The following TRPC7 variants were observed in gnomAD, a reference collection of about 807,000 sequenced individuals.
The protein encoded by TRPC7 is transient receptor potential cation channel subfamily C member 7.
A neutral mutation model predicts 90.1 loss-of-function variants in TRPC7; 42 were observed. The ratio of observed to expected loss-of-function variants is 0.47; its 90% CI spans 0.36 to 0.60. The LOEUF is 0.60. Ranked by LOEUF, TRPC7 falls within the 20% of genes least tolerant of loss-of-function variation. The pLI, the probability that TRPC7 is intolerant of heterozygous loss-of-function variation, is 0.00. For synonymous variants in TRPC7, 451 were observed against 436.3 expected, an observed-to-expected ratio of 1.03 and a Z score of -0.42; for missense variants, 955 against 1,112.3, an observed-to-expected ratio of 0.86 and a Z score of 2.01.
chr5:136,315,646 C>T lies in TRPC7; in HGVS notation c.914G>A (p.Arg305His), dbSNP rs1257083987. The T allele has an allele frequency of 6.8e-6, 11 of 1,613,746 alleles. No individual in the cohort carries two copies. The highest frequency in any genetic ancestry group is 4.5e-5 in the East Asian group (2 of 44,884). Reference protein sequence around the residue: ...VNFQVWSDHHRPSLSRIKLAI... With the variant: ...VNFQVWSDHHHPSLSRIKLAI... ...GAGTTTGATCCGGCTCAGACTTGGA[C>T]GGTGGTGGTCGGACCAGACTTGGAA... Residue 305 changes from arginine to histidine, a missense_variant, in exon 3 of 12, where the codon CGT becomes CAT. Arg to His is a conservative substitution (Grantham distance 29). Around this residue, in one of 4 missense-constraint regions of TRPC7, gnomAD observed 484 missense variants for 509.6 expected, o/e 0.95. Transcript: ENST00000513104.
chr5:136,257,694 A>G (rs1057345300), intron 5 of TRPC7, among the ~76,000 whole-genome samples: 1 of 151,398 alleles, frequency 6.6e-6, no homozygotes, highest in Admixed American at 6.6e-5. Context: ...AGTATACCGT[A>G]TCAAAATTTT....
At chr5:136,349,888 T>C (rs1760136517) in intron 2 of TRPC7, among the ~76,000 whole-genome samples, 1 of 152,238 alleles carries the variant, frequency 6.6e-6, no homozygotes, top group African/African-American at 2.4e-5. Flanking sequence ...AGCTGCCCTA[T>C]ACAGGTATAT....
chr5:136,299,118 G>C (rs751535489), intron 3 of TRPC7, among the ~76,000 whole-genome samples: 1 of 151,864 alleles, frequency 6.6e-6, no homozygotes. Context: ...CCTCACCAAC[G>C]TGGAGAAACC....
chr5:136,225,264 G>C lies in TRPC7; in HGVS notation c.2343+10C>G. 6.2e-7 allele frequency: 1 copy of C among 1,612,008 alleles called. No individual in the cohort carries two copies. Among genetic ancestry groups the C allele is most frequent in the African/African-American group, 1.3e-5 (1 of 74,952 alleles). ...GCCCATGCTTGGATGCTTGGGAAAG[G>C]GGTGGTTACCTGGTATCTGGTGGGC... On this transcript the variant is annotated intron_variant, in intron 10 of 11. Coordinates refer to ENST00000513104, the MANE Select transcript of TRPC7 (RefSeq NM_020389.3).
At chr5:136,224,452 G>T (rs1755562382) in intron 10 of TRPC7, among the ~76,000 whole-genome samples, 1 of 152,174 alleles carries the variant, frequency 6.6e-6, no homozygotes. Context: ...CTACTTGACT[G>T]CTTAAGACAG....
chr5:136,352,400 C>T (rs1194239423), intron 2 of TRPC7, among the ~76,000 whole-genome samples: 2 of 151,878 alleles, frequency 1.3e-5, no homozygotes, highest in Non-Finnish European at 2.9e-5. Context: ...GACAAAATGC[C>T]CAGGAATTTG....
At chr5:136,262,427 A>G (rs1490149907) in intron 5 of TRPC7, among the ~76,000 whole-genome samples, 1 of 152,158 alleles carries the variant, frequency 6.6e-6, no homozygotes, top group African/African-American at 2.4e-5. Context: ...ATCAGAGTAG[A>G]GGGATGAGAG....
At chr5:136,225,941 T>G (rs543301333) in intron 9 of TRPC7, 93 bp downstream of exon 9, 4 of 1,053,384 alleles carry the variant, frequency 3.8e-6, no homozygotes, top group East Asian at 2.6e-5. Flanking sequence ...TTGCATGGGG[T>G]GGGGGAGGGC....
At chr5:136,330,501 A>G (rs1411768545) in intron 2 of TRPC7, among the ~76,000 whole-genome samples, 1 of 152,230 alleles carries the variant, frequency 6.6e-6, no homozygotes, top group Non-Finnish European at 1.5e-5. Flanking sequence ...CTCATTTGCT[A>G]GAAACACTGA....
intron 3 of TRPC7, among the ~76,000 whole-genome samples, chr5:136,307,930 A>T (rs1295903223): frequency 6.6e-6 from 1 of 152,200 alleles, no homozygotes; most frequent in Non-Finnish European, 1.5e-5. Flanking sequence ...TATTTATTAG[A>T]CACTGTAATT....
At position 136,329,087 on chromosome 5, in the gene TRPC7, G is replaced by A. The variant is rs182639872; in HGVS notation, c.781-13308C>T. ...AATCTTGTTTTTTGTTTACTTAATT[G>A]TCAGCTACTGACATTGTGAGGGGCC... On this transcript the variant is annotated intron_variant, in intron 2 of 11. Coordinates refer to ENST00000513104, the MANE Select transcript of TRPC7 (RefSeq NM_020389.3). Among the ~76,000 whole-genome samples, 114 of 152,336 alleles carry A rather than the reference G, an allele frequency of 7.5e-4. 1 individual carries two copies. In the East Asian group the frequency reaches 0.02, roughly 27 times the overall value.
chr5:136,350,188 C>A (rs1204905020), intron 2 of TRPC7, among the ~76,000 whole-genome samples: 5 of 152,116 alleles, frequency 3.3e-5, no homozygotes, highest in Non-Finnish European at 7.4e-5. Context: ...TGTATCCTAC[C>A]CTCCATTTTT....
rs1561697052 is a variant in TRPC7, at chr5:136,274,753, C to G, written c.1048G>C (p.Val350Leu). The G allele has an allele frequency of 3.1e-6, 5 of 1,610,930 alleles. No individual in the cohort carries two copies. The highest frequency in any genetic ancestry group is 4.2e-6 in the Non-Finnish European group (5 of 1,178,708). Residue 350 changes from valine (V) to leucine (L), a missense_variant, in exon 4 of 12, where the codon GTG becomes CTG. By Grantham distance (32) the Val-to-Leu change is conservative (BLOSUM62 1). Coordinates refer to ENST00000513104, the MANE Select transcript of TRPC7 (RefSeq NM_020389.3). The part of the protein sequence containing the change: ...LSGLRQQSIA[V>L]KFLAVFGVSI... Reference sequence around the variant, plus strand: ...ACTCCAAAGACAGCCAGGAATTTCACAGCGATAGACTGTTGACGTAAGCCT... The same window carrying G: ...ACTCCAAAGACAGCCAGGAATTTCAGAGCGATAGACTGTTGACGTAAGCCT...
intron 3 of TRPC7, among the ~76,000 whole-genome samples, chr5:136,281,431 C>G (rs192029363): frequency 6.6e-6 from 1 of 152,216 alleles, no homozygotes; most frequent in South Asian, 2.1e-4. Flanking sequence ...TAAACAATCA[C>G]TTTGCTGAAG....
intron 7 of TRPC7, 130 bp from the exon 8 acceptor site, chr5:136,231,679 A>G: frequency 1.2e-6 from 1 of 818,266 alleles, no homozygotes; most frequent in Non-Finnish European, 1.9e-6. Context: ...ATCATGGCTC[A>G]CTCTAGCCCT....
chr5:136,259,780 C>T (rs1756798641), intron 5 of TRPC7, among the ~76,000 whole-genome samples: 1 of 152,208 alleles, frequency 6.6e-6, no homozygotes. Flanking sequence ...TTAGTCTTTT[C>T]CTCATCTGAT....
At chr5:136,308,898 A>C (rs1758737094) in intron 3 of TRPC7, among the ~76,000 whole-genome samples, 1 of 152,200 alleles carries the variant, frequency 6.6e-6, no homozygotes, top group East Asian at 1.9e-4. Flanking sequence ...GCTACCTGAC[A>C]AGTTCTATTA....
chr5:136,345,144 A>G (rs1759965897), intron 2 of TRPC7, among the ~76,000 whole-genome samples: 1 of 152,234 alleles, frequency 6.6e-6, no homozygotes, highest in Non-Finnish European at 1.5e-5. Flanking sequence ...TAATGGAAGT[A>G]GGGATAAAGT....
chr5:136,245,964 C>G (rs967938395), intron 7 of TRPC7, among the ~76,000 whole-genome samples: 2 of 152,158 alleles, frequency 1.3e-5, no homozygotes, highest in Non-Finnish European at 2.9e-5. Context: ...TCCACTAGAC[C>G]CTTCTCGGTG....
Sources: allele counts gnomAD v4.1 joint callset (sites outside exome capture counted in the v4.1 genomes callset), GRCh38; gene constraint gnomAD v4.1.1; regional missense constraint gnomAD v4.1.1; transcripts MANE v1.5; gene names NCBI Gene and HGNC (gene_info 2026-07-23, HGNC 2026-07-21).